The following MYO9A variants were observed in gnomAD, a reference collection of about 807,000 sequenced individuals.
The protein encoded by MYO9A is unconventional myosin-IXa.
MYO9A carries 103 observed loss-of-function variants against 293.3 expected under a neutral mutation model. The observed-to-expected ratio is 0.35, with a 90% CI of 0.30 to 0.41. The LOEUF is 0.41. MYO9A is among the 10% of genes least tolerant of loss of function. The pLI is 1.00. For missense variants in MYO9A, 2,685 were observed against 3,033.0 expected (o/e 0.89, Z 2.69); for synonymous variants, 1,001 against 1,035.7 (o/e 0.97, Z 0.64).
chr15:71,832,371 TAAGA>T (rs2054763429), intron 39 of MYO9A, among the ~76,000 whole-genome samples: 2 of 151,752 alleles, frequency 1.3e-5, no homozygotes, highest in Admixed American at 1.3e-4. Context: ...CTACAACCCC[TAAGA>T]AAGAAATAAA....
intron 18 of MYO9A, among the ~76,000 whole-genome samples, chr15:71,926,801 C>T (rs1031440069): frequency 3.3e-5 from 5 of 152,204 alleles, no homozygotes; most frequent in African/African-American, 1.2e-4. Flanking sequence ...GCAGAGCTAC[C>T]AGACAGCCTG....
At chr15:71,860,969 C>CAAAAAAAAAAAAAAAAA (rs61030744) in intron 33 of MYO9A, among the ~76,000 whole-genome samples, 26 of 32,418 alleles carry the variant, frequency 8.0e-4, no homozygotes, top group African/African-American at 1.4e-3. Context: ...TCCATCTCAC[C>CAAAAAAAAAAAAAAAAA]AAAAAAAAAA....
intron 32 of MYO9A, among the ~76,000 whole-genome samples, chr15:71,870,888 C>G (rs2056490093): frequency 1.3e-5 from 2 of 152,046 alleles, no homozygotes; most frequent in African/African-American, 4.8e-5. Context: ...CATGGATGTG[C>G]TGGGCCAACT....
At chr15:72,061,991 G>GGA (rs910336933) in intron 1 of MYO9A, among the ~76,000 whole-genome samples, 1 of 152,162 alleles carries the variant, frequency 6.6e-6, no homozygotes, top group Admixed American at 6.5e-5. Context: ...AGCTCAGCAA[G>GGA]GAGATACAGA....
chr15:72,029,933 A>G (rs1005887155), intron 3 of MYO9A, among the ~76,000 whole-genome samples: 1 of 152,138 alleles, frequency 6.6e-6, no homozygotes, highest in Admixed American at 6.5e-5. Flanking sequence ...ACCACATGCT[A>G]TATACTTCAG....
intron 39 of MYO9A, among the ~76,000 whole-genome samples, chr15:71,835,891 AG>A (rs984689964): frequency 2.6e-4 from 39 of 152,120 alleles, no homozygotes; most frequent in Admixed American, 3.3e-4. Context: ...GTTGGTACAA[AG>A]ATAGTCAAAA....
chr15:71,905,987 A>G (rs1032556298), intron 19 of MYO9A, among the ~76,000 whole-genome samples: 9 of 152,076 alleles, frequency 5.9e-5, no homozygotes, highest in African/African-American at 2.2e-4. Context: ...TAATAAAAGC[A>G]TTTAGTGCTA....
chr15:71,913,294 T>TA (rs1191857399), intron 19 of MYO9A, among the ~76,000 whole-genome samples: 1 of 152,188 alleles, frequency 6.6e-6, no homozygotes, highest in Non-Finnish European at 1.5e-5. Context: ...ATTTAATCTC[T>TA]AAAAGTTCCA....
chr15:72,086,912 C>T (rs2079754729), intron 1 of MYO9A, among the ~76,000 whole-genome samples: 1 of 152,130 alleles, frequency 6.6e-6, no homozygotes, highest in Non-Finnish European at 1.5e-5. Context: ...GGGTTACAGG[C>T]ATGCACCACA....
chr15:72,070,065 GT>G (rs2079139929), intron 1 of MYO9A, among the ~76,000 whole-genome samples: 1 of 149,048 alleles, frequency 6.7e-6, no homozygotes, highest in Admixed American at 6.7e-5. Context: ...GGAGGCAGAG[GT>G]TGCAGTGAGC....
At chr15:71,960,563 A>G (rs2075714660) in intron 13 of MYO9A, among the ~76,000 whole-genome samples, 1 of 152,194 alleles carries the variant, frequency 6.6e-6, no homozygotes, top group Non-Finnish European at 1.5e-5. Context: ...TTCTTTATAG[A>G]AACATAAGAA....
chr15:72,006,609 G>A (rs2077024705), intron 8 of MYO9A, among the ~76,000 whole-genome samples: 1 of 152,142 alleles, frequency 6.6e-6, no homozygotes, highest in South Asian at 2.1e-4. Context: ...TACTATAATA[G>A]TGGACATATG....
At chr15:72,043,921 A>C (rs1479651079) in intron 2 of MYO9A, among the ~76,000 whole-genome samples, 1 of 134,928 alleles carries the variant, frequency 7.4e-6, no homozygotes, top group East Asian at 2.3e-4. Flanking sequence ...AACAAACACT[A>C]TATTCCCTTT....
chr15:72,053,343 T>G (rs1022525790), intron 1 of MYO9A, among the ~76,000 whole-genome samples: 1 of 152,046 alleles, frequency 6.6e-6, no homozygotes, highest in Non-Finnish European at 1.5e-5. Context: ...GAGGCGCAGG[T>G]TGCAGTAAGC....
At chr15:71,922,006 C>T (rs778501895) in intron 18 of MYO9A, among the ~76,000 whole-genome samples, 1 of 152,000 alleles carries the variant, frequency 6.6e-6, no homozygotes, top group African/African-American at 2.4e-5. Context: ...AGCATGGAGT[C>T]TCACTCTGTC....
intron 11 of MYO9A, among the ~76,000 whole-genome samples, chr15:71,990,814 T>C (rs1030738385): frequency 2.6e-5 from 4 of 152,072 alleles, no homozygotes; most frequent in East Asian, 1.9e-4. Flanking sequence ...ACTCTTTTAG[T>C]AAAATATCAC....
intron 1 of MYO9A, among the ~76,000 whole-genome samples, chr15:72,063,972 C>T (rs1464285035): frequency 6.6e-6 from 1 of 152,022 alleles, no homozygotes; most frequent in Non-Finnish European, 1.5e-5. Flanking sequence ...AGTATTCAGC[C>T]AGCCATAAAA....
chr15:72,074,266 C>T (rs928725495), intron 1 of MYO9A, among the ~76,000 whole-genome samples: 1 of 152,060 alleles, frequency 6.6e-6, no homozygotes, highest in Admixed American at 6.6e-5. Flanking sequence ...TCAACCTGTA[C>T]TAAACAAGAA....
In MYO9A at chr15:71,826,758, C is replaced by T. The variant is rs757290600; in HGVS notation, c.7469G>A (p.Arg2490Lys). The T allele has an allele frequency of 2.5e-5, 41 of 1,613,992 alleles. No homozygotes were observed. In the South Asian group the frequency reaches 3.5e-4, roughly 14 times the overall value. ...GCCCTTTTCCGGGTTGAAGGTTCCT[C>T]TGCTGATGAACTGAGGCTTGTCTTC... ...FLEDKPQFIS[R>K]GTFNPEKGKQ... The change falls in exon 42 of 42, where the codon AGA becomes AAA. Residue 2490 changes from arginine to lysine, a missense_variant. Physicochemically the swap from Arg to Lys is conservative, Grantham distance 26. Around this residue, in one of 10 missense-constraint regions of MYO9A, gnomAD observed 350 missense variants for 328.9 expected, o/e 1.06. Coordinates refer to ENST00000356056, the MANE Select transcript of MYO9A (RefSeq NM_006901.4).
Sources: gnomAD v4.1 joint callset for allele counts (sites outside exome capture counted in the v4.1 genomes callset) on GRCh38, gnomAD v4.1.1 for gene constraint, gnomAD v4.1.1 regional missense constraint, MANE v1.5 for transcripts, NCBI Gene and HGNC (gene_info 2026-07-23, HGNC 2026-07-21) for gene names.